Variants in SCAPER observed in about 807,000 individuals in gnomAD.
The protein encoded by SCAPER is S phase cyclin A-associated protein in the endoplasmic reticulum.
Under a neutral mutation model 182.2 loss-of-function variants are expected in SCAPER, and 98 were observed. The observed-to-expected ratio is 0.54, with a 90% CI of 0.46 to 0.64. The LOEUF (loss-of-function observed/expected upper bound fraction) is 0.64, where lower values mean the gene tolerates loss of function less well. Among genes scored for constraint, SCAPER ranks in the 30% least tolerant of loss-of-function variants. The probability of loss-of-function intolerance (pLI) is 0.00; values close to 1 mark genes in which losing one functional copy is unlikely to be tolerated. For synonymous variants in SCAPER, 605 were observed against 564.6 expected (o/e 1.07, Z -1.01); for missense variants, 1,432 against 1,690.0 (o/e 0.85, Z 2.68).
In SCAPER at chr15:76,434,287, A is replaced by G. The variant is rs752996657; in HGVS notation, c.3102T>C (p.Asn1034=). Reference sequence around the variant, plus strand: ...TATTTGTATTTCTCCCCAAAATAGTATTATTTTCATCTGGAACATAAACCT... The same window carrying G: ...TATTTGTATTTCTCCCCAAAATAGTGTTATTTTCATCTGGAACATAAACCT... ...QLTVYVPDEN[N]TILGRNTNKQ... is the part of the protein sequence containing the mutation. Residue 1034 remains asparagine, a synonymous_variant, in exon 26 of 32, where the codon AAT becomes AAC. Transcript: ENST00000563290. 5.6e-6 allele frequency: 9 copies of G among 1,611,206 alleles called. No individual in the cohort carries two copies. The Admixed American group carries it at 6.7e-5, about 12-fold the overall frequency.
At position 76,348,547 on chromosome 15, in the gene SCAPER, T is replaced by G; in HGVS notation, c.*86A>C. The stretch of plus-strand genomic sequence containing the variant: ...TGGGAAGAGTATAAACATGGGAAAA[T>G]GAGTTCTTAAGGAACAATTAGAATG... On this transcript the variant is annotated 3_prime_UTR_variant, in exon 32 of 32. Transcript: ENST00000563290. 3.3e-6 allele frequency: 3 copies of G among 900,360 alleles called. No individual in the cohort carries two copies. Among genetic ancestry groups the G allele is most frequent in the Non-Finnish European group, 5.1e-6 (3 of 593,338 alleles). The allele number at this position is 900,360 out of a possible 1,614,324, so 55.8% of individuals were successfully genotyped here. A position where few individuals can be genotyped will look rare whatever the true frequency, so the allele number is the denominator to read the frequency against.
At chr15:76,422,227 G>A (rs1353929986) in intron 26 of SCAPER, among the ~76,000 whole-genome samples, 6 of 152,084 alleles carry the variant, frequency 3.9e-5, no homozygotes, top group Non-Finnish European at 7.4e-5. Flanking sequence ...CCATTTTCAC[G>A]ATATTGATTC....
At chr15:76,652,749 G>A (rs1265463788) in intron 21 of SCAPER, among the ~76,000 whole-genome samples, 2 of 151,622 alleles carry the variant, frequency 1.3e-5, no homozygotes, top group East Asian at 1.9e-4. Context: ...AGCTATCTAC[G>A]ATAAACCCAC....
intron 17 of SCAPER, 121 bp downstream of exon 17, chr15:76,728,474 A>T (rs1236259642): frequency 7.6e-7 from 1 of 1,320,472 alleles, no homozygotes; most frequent in Non-Finnish European, 1.1e-6. Flanking sequence ...TTCAAGATCA[A>T]CCTGGGGAAC....
chr15:76,367,007 C>T (rs950332672), intron 29 of SCAPER, among the ~76,000 whole-genome samples: 6 of 152,340 alleles, frequency 3.9e-5, no homozygotes, highest in East Asian at 1.9e-4. Context: ...TGTAGGCAGA[C>T]GCTTCTCACA....
chr15:76,611,155 A>G (rs752037468), intron 22 of SCAPER, among the ~76,000 whole-genome samples: 30 of 152,204 alleles, frequency 2.0e-4, no homozygotes, highest in Admixed American at 3.3e-4. Flanking sequence ...AAGAACATGC[A>G]ATGGAGAAAG....
chr15:76,404,805 G>T, intron 26 of SCAPER, 126 bp from the exon 27 acceptor site: 1 of 762,212 alleles, frequency 1.3e-6, no homozygotes, highest in Non-Finnish European at 1.9e-6. Context: ...ACAAGTTTGA[G>T]TAAAGCATCT....
At chr15:76,639,122 G>C (rs987317375) in intron 21 of SCAPER, among the ~76,000 whole-genome samples, 1 of 152,180 alleles carries the variant, frequency 6.6e-6, no homozygotes, top group African/African-American at 2.4e-5. Context: ...CTGGAATAAA[G>C]AGGCTGATCA....
chr15:76,662,773 C>T (rs992104410), intron 21 of SCAPER, among the ~76,000 whole-genome samples: 1 of 151,776 alleles, frequency 6.6e-6, no homozygotes, highest in Non-Finnish European at 1.5e-5. Flanking sequence ...GAAAAATAAA[C>T]CTGGACCCAT....
chr15:76,361,977 ATT>A (rs879355870), intron 29 of SCAPER, among the ~76,000 whole-genome samples: 7 of 144,028 alleles, frequency 4.9e-5, no homozygotes, highest in African/African-American at 5.1e-5. Context: ...TGTTAAACAC[ATT>A]TTTTTTTTTT....
At chr15:76,471,098 C>CT (rs370029906) in intron 25 of SCAPER, 114 bp downstream of exon 25, 26,422 of 513,162 alleles carry the variant, frequency 0.051, 422 homozygotes, top group African/African-American at 0.07. Context: ...TCTTCTTCTT[C>CT]TTTTTTTTTT....
chr15:76,852,566 AAAC>A (rs1418285354), intron 4 of SCAPER, among the ~76,000 whole-genome samples: 2 of 152,198 alleles, frequency 1.3e-5, no homozygotes, highest in Non-Finnish European at 2.9e-5. Context: ...ACATGAAACT[AAAC>A]AACATGTACT....
At chr15:76,390,368 A>C (rs1168941920) in intron 27 of SCAPER, among the ~76,000 whole-genome samples, 1 of 152,246 alleles carries the variant, frequency 6.6e-6, no homozygotes, top group Non-Finnish European at 1.5e-5. Flanking sequence ...CTGAAGAAAG[A>C]GCAAGACCAG....
intron 25 of SCAPER, among the ~76,000 whole-genome samples, chr15:76,442,960 A>C (rs2047718626): frequency 6.6e-6 from 1 of 152,184 alleles, no homozygotes; most frequent in Non-Finnish European, 1.5e-5. Flanking sequence ...AATTTAAAAA[A>C]CCAGTGAAAA....
At chr15:76,668,643 A>G (rs11072612) in intron 20 of SCAPER, among the ~76,000 whole-genome samples, 3 of 151,974 alleles carry the variant, frequency 2.0e-5, no homozygotes, top group African/African-American at 2.4e-5. Context: ...ATTATTTGTC[A>G]TCTCCTTATT....
chr15:76,886,373 G>A (rs1187623105), intron 1 of SCAPER, among the ~76,000 whole-genome samples: 2 of 152,132 alleles, frequency 1.3e-5, no homozygotes, highest in Non-Finnish European at 2.9e-5. Context: ...CCAGCTACTT[G>A]GGAGGCTGAG....
At chr15:76,567,222 T>C (rs913292334) in intron 23 of SCAPER, 2 of 379,430 alleles carry the variant, frequency 5.3e-6, no homozygotes, top group Non-Finnish European at 1.1e-5. Context: ...TCCACAGATG[T>C]AGTTCATTCA....
chr15:76,693,814 A>T (rs2058508061), intron 20 of SCAPER, among the ~76,000 whole-genome samples: 3 of 152,108 alleles, frequency 2.0e-5, no homozygotes, highest in Non-Finnish European at 4.4e-5. Context: ...AATAGTGATC[A>T]CCAGGGTCTG....
chr15:76,390,363 G>A (rs1428203571), intron 27 of SCAPER, among the ~76,000 whole-genome samples: 1 of 152,182 alleles, frequency 6.6e-6, no homozygotes, highest in East Asian at 1.9e-4. Context: ...AGAGGCTGAA[G>A]AAAGAGCAAG....
Sources: gnomAD v4.1 joint callset for allele counts (sites outside exome capture counted in the v4.1 genomes callset) on GRCh38, gnomAD v4.1.1 for gene constraint, MANE v1.5 for transcripts, NCBI Gene and HGNC (gene_info 2026-07-23, HGNC 2026-07-21) for gene names.